SLC35D2: variants seen among roughly 807,000 people sequenced by gnomAD.
The protein encoded by SLC35D2 is solute carrier family 35 member D2, also known as nucleotide sugar transporter SLC35D2.
A neutral mutation model predicts 41.8 loss-of-function variants in SLC35D2; 43 were observed. The observed-to-expected ratio is 1.03, with a 90% confidence interval of 0.81 to 1.33. The LOEUF (loss-of-function observed/expected upper bound fraction) is 1.33, where lower values mean the gene tolerates loss of function less well. Among genes scored for constraint, SLC35D2 ranks in the 40% most tolerant of loss-of-function variants. The pLI, the probability that SLC35D2 is intolerant of heterozygous loss-of-function variation, is 0.00. For synonymous variants in SLC35D2, 150 were observed against 163.9 expected (o/e 0.92, Z 0.65); for missense variants, 380 against 408.4 (o/e 0.93, Z 0.60).
At chr9:96,316,954 T>G (rs1050423093), downstream of SLC35D2, among the ~76,000 whole-genome samples, 3 of 151,910 alleles carry the variant, frequency 2.0e-5, no homozygotes, top group African/African-American at 7.3e-5. Flanking sequence ...CTGGCTAACA[T>G]GGTGAAACCC....
chr9:96,317,353 G>A (rs1013108814), downstream of SLC35D2, among the ~76,000 whole-genome samples: 7 of 152,014 alleles, frequency 4.6e-5, no homozygotes, highest in African/African-American at 1.7e-4. Context: ...CTTCAGCCTC[G>A]ATGGGGTTTG....
In SLC35D2 at chr9:96,360,150, C is replaced by T. The variant is rs779040473; in HGVS notation, c.347+4G>A. 8.7e-6 allele frequency: 14 copies of T among 1,609,982 alleles called. 1 individual carries two copies. The highest frequency in any genetic ancestry group is 5.5e-5 in the South Asian group (5 of 90,812). ...TTTCCACCAGCCATTATCCTATACTCTACCTTAATTTACTTGTGCTTGATA... is the reference window on the plus strand; with the variant it reads ...TTTCCACCAGCCATTATCCTATACTTTACCTTAATTTACTTGTGCTTGATA... On this transcript the variant is annotated splice_donor_region_variant and intron_variant, in intron 4 of 11. Coordinates refer to ENST00000253270, the MANE Select transcript of SLC35D2 (RefSeq NM_007001.3).
intron 2 of SLC35D2, 105 bp from the exon 3 acceptor site, chr9:96,364,655 C>CA (rs1301289386): frequency 2.3e-5 from 17 of 735,382 alleles, no homozygotes; most frequent in Admixed American, 6.9e-5. Context: ...AGAAATATAG[C>CA]AAAAAATTCA....
intron 9 of SLC35D2, among the ~76,000 whole-genome samples, chr9:96,330,525 A>G (rs147320983): frequency 6.0e-4 from 92 of 152,354 alleles, no homozygotes; most frequent in African/African-American, 2.1e-3. Context: ...GTGACACAAC[A>G]TGTATCCTGC....
intron 1 of SLC35D2, among the ~76,000 whole-genome samples, chr9:96,374,719 T>G (rs931836916): frequency 6.7e-6 from 1 of 149,948 alleles, no homozygotes; most frequent in Admixed American, 6.7e-5. Flanking sequence ...GCGCCTGTAG[T>G]CCCAGCTACT....
intron 1 of SLC35D2, among the ~76,000 whole-genome samples, chr9:96,372,208 C>A (rs1465412996): frequency 6.6e-6 from 1 of 152,148 alleles, no homozygotes; most frequent in Non-Finnish European, 1.5e-5. Context: ...GTCTTTAGAT[C>A]TAACTTTCAG....
Position 96,368,299 on chromosome 9 carries a change from C to A in SLC35D2, c.165G>T (p.Pro55=), listed in dbSNP as rs369791050. The change falls in exon 2 of 12, where the codon CCG becomes CCT. Residue 55 remains proline, a synonymous_variant. Coordinates refer to ENST00000253270, the MANE Select transcript of SLC35D2 (RefSeq NM_007001.3). Reference sequence around the variant, plus strand: ...GTCCAATTCCAAGGAAAATTGGTGACGGGAAACTACAAAGGACACAGAACA... The same window carrying A: ...GTCCAATTCCAAGGAAAATTGGTGAAGGGAAACTACAAAGGACACAGAACA... ...NKALLTTYGF[P]SPIFLGIGQM... 1.7e-5 allele frequency: 28 copies of A among 1,605,552 alleles called. No homozygotes were observed. Among genetic ancestry groups the A allele is most frequent in the Non-Finnish European group, 2.3e-5 (27 of 1,175,136 alleles).
At position 96,351,403 on chromosome 9, in the gene SLC35D2, C is replaced by G. The variant is rs540561307; in HGVS notation, c.420-232G>C. 1.3e-4 allele frequency among the ~76,000 whole-genome samples: 19 copies of G among 151,638 alleles called. No individual in the cohort carries two copies. The East Asian group carries it at 3.5e-3, about 28-fold the overall frequency. On this transcript the variant is annotated intron_variant, in intron 5 of 11. Transcript: ENST00000253270. Reference sequence around the variant, plus strand: ...TTACAAACTGATTTCTCTGTTCTCACTAGAGAGATACTGGGACAAAATACA... The same window carrying G: ...TTACAAACTGATTTCTCTGTTCTCAGTAGAGAGATACTGGGACAAAATACA...
intron 1 of SLC35D2, among the ~76,000 whole-genome samples, chr9:96,371,671 AACTTCT>A (rs1396503031): frequency 6.7e-6 from 1 of 150,048 alleles, no homozygotes; most frequent in Non-Finnish European, 1.5e-5. Context: ...CTTTCAGTTG[AACTTCT>A]ACTTCTCTTT....
At position 96,372,465 on chromosome 9, in the gene SLC35D2, G is replaced by C. The variant is rs369625801; in HGVS notation, c.159-4160C>G. On this transcript the variant is annotated intron_variant, in intron 1 of 11. Coordinates refer to ENST00000253270, the MANE Select transcript of SLC35D2 (RefSeq NM_007001.3). ...TTTGGGACAACTGGGATTGTGGGGA[G>C]AAAAGAAGAAAAGAAACTTTTTATC... is the stretch of plus-strand genomic sequence containing the variant. Among the ~76,000 whole-genome samples, 3 of 149,566 alleles carry C rather than the reference G, an allele frequency of 2.0e-5. No homozygotes were observed. The South Asian group carries it at 6.3e-4, about 31-fold the overall frequency.
intron 1 of SLC35D2, among the ~76,000 whole-genome samples, chr9:96,373,685 C>CAA (rs11315245): frequency 3.5e-4 from 40 of 114,168 alleles, no homozygotes; most frequent in Admixed American, 6.0e-4. Flanking sequence ...AAGACTCTCT[C>CAA]AAAAAAAAAA....
At chr9:96,336,015 A>C (rs1316495617) in intron 9 of SLC35D2, among the ~76,000 whole-genome samples, 8 of 148,452 alleles carry the variant, frequency 5.4e-5, no homozygotes, top group Non-Finnish European at 1.2e-4. Context: ...GTGCCACTAT[A>C]CTCTAGCCTG....
intron 9 of SLC35D2, among the ~76,000 whole-genome samples, chr9:96,331,211 A>C (rs1447012195): frequency 6.6e-6 from 1 of 152,158 alleles, no homozygotes. Flanking sequence ...GATGTAAATT[A>C]ATAGCTTATC....
intron 6 of SLC35D2, among the ~76,000 whole-genome samples, chr9:96,347,291 G>A (rs1829625428): frequency 6.6e-6 from 1 of 152,104 alleles, no homozygotes; most frequent in Admixed American, 6.6e-5. Context: ...AGAGCTGCAG[G>A]GGAACTCCTA....
In SLC35D2 at chr9:96,345,321, G is replaced by T; in HGVS notation, c.569C>A (p.Thr190Asn). The change falls in exon 7 of 12, where the codon ACC (threonine) becomes AAC (asparagine). Residue 190 changes from threonine to asparagine, a missense_variant. Coordinates refer to ENST00000253270, the MANE Select transcript of SLC35D2 (RefSeq NM_007001.3). ...DIFTAANGVYTKQKMDPKELG... is the reference protein window; with the variant it reads ...DIFTAANGVYNKQKMDPKELG... ...TACCTTTGGGTCCATTTTCTGTTTG[G>T]TATAAACTCCATTTGCTGCTGTGAA... 6.2e-7 allele frequency: 1 copy of T among 1,608,486 alleles called. No homozygotes were observed. Among genetic ancestry groups the T allele is most frequent in the Non-Finnish European group, 8.5e-7 (1 of 1,175,906 alleles).
chr9:96,319,110 C>G (rs542363404), downstream of SLC35D2, among the ~76,000 whole-genome samples: 1 of 152,294 alleles, frequency 6.6e-6, no homozygotes, highest in East Asian at 1.9e-4. Flanking sequence ...ATGGTGGAAG[C>G]AAGCCGAGTG....
intron 8 of SLC35D2, among the ~76,000 whole-genome samples, chr9:96,338,856 T>C (rs1194172940): frequency 6.6e-6 from 1 of 152,044 alleles, no homozygotes; most frequent in Admixed American, 6.5e-5. Context: ...ACAAAAATCA[T>C]GGGAAACACT....
At chr9:96,354,189 C>T (rs958281400) in intron 4 of SLC35D2, among the ~76,000 whole-genome samples, 4 of 152,118 alleles carry the variant, frequency 2.6e-5, no homozygotes, top group Admixed American at 6.6e-5. Context: ...GAATGTTTTC[C>T]GCCTATGATT....
Position 96,379,620 on chromosome 9 carries a change from A to G in SLC35D2, c.158+3857T>C, listed in dbSNP as rs193121976. ...CTTCTATCCTACAACACAACATTCT[A>G]TCCTCAGACAACTCATGCTTGGATC... On this transcript the variant is annotated intron_variant, in intron 1 of 11. Coordinates refer to ENST00000253270, the MANE Select transcript of SLC35D2 (RefSeq NM_007001.3). Among the ~76,000 whole-genome samples the G allele has an allele frequency of 2.9e-3, 443 of 152,250 alleles. 3 individuals carry two copies. The highest frequency in any genetic ancestry group is 4.9e-3 in the Non-Finnish European group (335 of 68,030).
Sources: allele counts gnomAD v4.1 joint callset (sites outside exome capture counted in the v4.1 genomes callset), GRCh38; gene constraint gnomAD v4.1.1; transcripts MANE v1.5; gene names NCBI Gene and HGNC (gene_info 2026-07-23, HGNC 2026-07-21).